Variants in CACNG7 observed in about 807,000 individuals in gnomAD.
CACNG7 encodes voltage-dependent calcium channel gamma-7 subunit.
CACNG7 carries 9 observed loss-of-function variants against 26.3 expected under a neutral mutation model. The observed-to-expected ratio is 0.34, with a 90% CI of 0.21 to 0.60. CACNG7 has a LOEUF of 0.60. CACNG7 is among the 20% of genes least tolerant of loss of function. CACNG7 has a pLI of 0.81. For synonymous variants in CACNG7, 170 were observed against 157.0 expected (o/e 1.08, Z -0.62); for missense variants, 297 against 380.4 (o/e 0.78, Z 1.82).
At chr19:53,914,209 G>A (rs2068878892) in intron 2 of CACNG7, among the ~76,000 whole-genome samples, 1 of 151,452 alleles carries the variant, frequency 6.6e-6, no homozygotes, top group African/African-American at 2.4e-5. Context: ...GGGAGGTAGA[G>A]GTTGTGGTGA....
chr19:53,925,087 T>C (rs1287954983), intron 4 of CACNG7, among the ~76,000 whole-genome samples: 2 of 96,682 alleles, frequency 2.1e-5, no homozygotes, highest in Admixed American at 9.5e-5. Context: ...GCCCCAGGTC[T>C]GGTCATTGGT....
chr19:53,942,080 G>C lies in CACNG7; in HGVS notation c.615G>C (p.Ala205=), dbSNP rs761283604. Residue 205 remains alanine, a synonymous_variant, in exon 6 of 6, where the codon GCG becomes GCC. Transcript: ENST00000391767. The surrounding 1 kb of genome is among the most constrained non-coding windows in gnomAD (Gnocchi z 5.9). ...TGTACCTGTTCACCAAGCGCTACGC[G>C]GAGGAGGAGATGTACCGTCCACACC... is the stretch of plus-strand genomic sequence containing the variant. ...MSVYLFTKRY[A]EEEMYRPHPA... is the part of the protein sequence containing the mutation. The C allele has an allele frequency of 1.2e-6, 2 of 1,613,406 alleles. No individual in the cohort carries two copies.
intron 4 of CACNG7, among the ~76,000 whole-genome samples, chr19:53,932,716 TA>T (rs767660482): frequency 3.8e-4 from 58 of 152,308 alleles, no homozygotes; most frequent in Non-Finnish European, 5.3e-4. Flanking sequence ...TCTGGCCATT[TA>T]TTTTTTTGAG....
At chr19:53,932,969 G>A (rs1398873823) in intron 4 of CACNG7, among the ~76,000 whole-genome samples, 1 of 151,564 alleles carries the variant, frequency 6.6e-6, no homozygotes, top group African/African-American at 2.4e-5. Flanking sequence ...CATCACGCCC[G>A]GCTAATTTTG....
chr19:53,926,019 A>G (rs973093977), intron 4 of CACNG7, among the ~76,000 whole-genome samples: 5 of 152,108 alleles, frequency 3.3e-5, no homozygotes, highest in Non-Finnish European at 2.9e-5. Context: ...TGATCTGTGG[A>G]TATGCTTATT....
intron 4 of CACNG7, among the ~76,000 whole-genome samples, chr19:53,923,860 T>G (rs1240674468): frequency 2.2e-5 from 3 of 135,426 alleles, no homozygotes. Flanking sequence ...GGCCTGGTCA[T>G]TGGTGGAGTT....
In CACNG7 at chr19:53,935,464, AG is replaced by A. The variant is rs1285743221; in HGVS notation, c.425-6004del. ...CAGCCTCCCAAATAGCTGGAACTAC[AG>A]GCTAATGCCACCACGCCTGGCTAAT... is the stretch of plus-strand genomic sequence containing the variant. On this transcript the variant is annotated intron_variant, in intron 4 of 5. Transcript: ENST00000391767. Among the ~76,000 whole-genome samples the A allele has an allele frequency of 4.6e-5, 7 of 151,806 alleles. No homozygotes were observed. The East Asian group carries it at 1.4e-3, about 30-fold the overall frequency.
Position 53,942,373 on chromosome 19 carries a change from C to G in CACNG7, c.*80C>G. 1 of 1,535,716 alleles carries G rather than the reference C, an allele frequency of 6.5e-7. No homozygotes were observed. Among genetic ancestry groups the G allele is most frequent in the Non-Finnish European group, 8.8e-7 (1 of 1,142,110 alleles). On this transcript the variant is annotated 3_prime_UTR_variant, in exon 6 of 6. Transcript: ENST00000391767. This position sits in a 1 kb window ranked among gnomAD's most constrained non-coding sequence, Gnocchi z 5.9. ...CTCCCTGCAATGCAGCGCCCCCTTC[C>G]GTCCTCGGGACTCCTCGCTCCCACC...
rs1447602174 is a variant in CACNG7, at chr19:53,942,402, A to C, written c.*109A>C. On this transcript the variant is annotated 3_prime_UTR_variant, in exon 6 of 6. Transcript: ENST00000391767. The surrounding 1 kb of genome is among the most constrained non-coding windows in gnomAD (Gnocchi z 5.9). ...CTCGGGACTCCTCGCTCCCACCCGG[A>C]GGAGGCTGCGCCAGCTTTAGGCCCC... The C allele has an allele frequency of 6.6e-7, 1 of 1,510,390 alleles. No individual in the cohort carries two copies. The highest frequency in any genetic ancestry group is 8.8e-7 in the Non-Finnish European group (1 of 1,132,918). The allele number at this position is 1,510,390 out of a possible 1,614,324, so 93.6% of individuals were successfully genotyped here.
In CACNG7 at chr19:53,912,557, C is replaced by T. The variant is rs1451870139; in HGVS notation, c.-29-246C>T. On this transcript the variant is annotated intron_variant, in intron 1 of 5. Coordinates refer to ENST00000391767, the MANE Select transcript of CACNG7 (RefSeq NM_031896.5). This position sits in a 1 kb window ranked among gnomAD's most constrained non-coding sequence, Gnocchi z 4.6. ...GAAATCTAATTCTGGGGTTGGGGAT[C>T]TGGATCTGGAGCTAGACCACAGGCA... Among the ~76,000 whole-genome samples, 1 of 152,160 alleles carries T rather than the reference C, an allele frequency of 6.6e-6. No individual in the cohort carries two copies. The highest frequency in any genetic ancestry group is 2.4e-5 in the African/African-American group (1 of 41,432).
At chr19:53,928,091 A>G (rs2069045700) in intron 4 of CACNG7, among the ~76,000 whole-genome samples, 1 of 152,054 alleles carries the variant, frequency 6.6e-6, no homozygotes, top group African/African-American at 2.4e-5. Flanking sequence ...AGAGAAAGGG[A>G]AAATAAGGTT....
At chr19:53,918,084 C>A (rs2068910123) in intron 4 of CACNG7, among the ~76,000 whole-genome samples, 1 of 152,206 alleles carries the variant, frequency 6.6e-6, no homozygotes, top group African/African-American at 2.4e-5. Context: ...CCCAAGGTAT[C>A]CAGGCATGTG....
At chr19:53,938,648 T>G (rs1309170523) in intron 4 of CACNG7, among the ~76,000 whole-genome samples, 1 of 151,936 alleles carries the variant, frequency 6.6e-6, no homozygotes, top group Non-Finnish European at 1.5e-5. Context: ...TAATGTACTT[T>G]AAAAAGTTGA....
At chr19:53,924,990 G>A (rs1454163144) in intron 4 of CACNG7, among the ~76,000 whole-genome samples, 2 of 142,300 alleles carry the variant, frequency 1.4e-5, no homozygotes, top group Non-Finnish European at 3.0e-5. Context: ...TCTGGTATTG[G>A]TGGAGTTGCC....
intron 4 of CACNG7, among the ~76,000 whole-genome samples, chr19:53,936,927 T>C (rs765448768): frequency 5.9e-5 from 9 of 151,496 alleles, no homozygotes; most frequent in Non-Finnish European, 1.2e-4. Context: ...TTGAGTTTTT[T>C]GAGACAGTCT....
intron 4 of CACNG7, among the ~76,000 whole-genome samples, chr19:53,936,104 C>CT (rs910548328): frequency 3.5e-4 from 52 of 149,634 alleles, no homozygotes; most frequent in Non-Finnish European, 6.8e-4. Context: ...GCTCTGCTGC[C>CT]TTTTTTTTTC....
At chr19:53,922,879 TCAGGCTGGTCATTGGTGGAGTTGCCC>T (rs1568775717) in intron 4 of CACNG7, among the ~76,000 whole-genome samples, 2 of 42,252 alleles carry the variant, frequency 4.7e-5, no homozygotes, top group Non-Finnish European at 7.6e-5. Flanking sequence ...TGGAGTTGAC[TCAGGCTGGTCATTGGTGGAGTTGCCC>T]CAGGCCTGGT....
intron 4 of CACNG7, among the ~76,000 whole-genome samples, chr19:53,923,785 C>CCCCAGGTCTGGTCATTGGTGG (rs2068991262): frequency 7.2e-5 from 3 of 41,484 alleles, no homozygotes; most frequent in Non-Finnish European, 1.3e-4. Context: ...GTCATTGGTG[C>CCCCAGGTCTGGTCATTGGTGG]AGTTGCCCCA....
intron 4 of CACNG7, among the ~76,000 whole-genome samples, chr19:53,934,755 A>G (rs2069094762): frequency 6.6e-6 from 1 of 152,148 alleles, no homozygotes; most frequent in Non-Finnish European, 1.5e-5. Flanking sequence ...CCCGGGCCAT[A>G]GAGCGAGACC....
Sources: gnomAD v4.1 joint callset for allele counts (sites outside exome capture counted in the v4.1 genomes callset) on GRCh38, gnomAD v4.1.1 for gene constraint, Gnocchi (gnomAD v3.1) non-coding constraint, MANE v1.5 for transcripts, NCBI Gene and HGNC (gene_info 2026-07-23, HGNC 2026-07-21) for gene names.